Variants in DNAH12 observed in about 807,000 individuals in gnomAD.
DNAH12 encodes the protein axonemal beta dynein heavy chain 12.
In DNAH12, 285 loss-of-function variants were observed where a neutral mutation model predicts 371.5. The ratio of observed to expected loss-of-function variants is 0.77; its 90% CI spans 0.70 to 0.85. DNAH12 has a LOEUF of 0.85. Among genes scored for constraint, DNAH12 ranks in the 40% least tolerant of loss-of-function variants. The probability of loss-of-function intolerance (pLI) is 0.00; values close to 1 mark genes in which losing one functional copy is unlikely to be tolerated. For missense variants in DNAH12, 3,611 were observed against 3,689.4 expected, an observed-to-expected ratio of 0.98 and a Z score of 0.55; for synonymous variants, 1,200 against 1,213.0, an observed-to-expected ratio of 0.99 and a Z score of 0.22.
At chr3:57,481,404 C>T (rs954858464) in intron 13 of DNAH12, among the ~76,000 whole-genome samples, 29 of 152,208 alleles carry the variant, frequency 1.9e-4, no homozygotes, top group African/African-American at 7.0e-4. Flanking sequence ...CAAACCACTG[C>T]TCAACAAAAT....
intron 2 of DNAH12, among the ~76,000 whole-genome samples, chr3:57,528,806 CT>C (rs921786413): frequency 2.2e-4 from 33 of 147,708 alleles, no homozygotes; most frequent in Non-Finnish European, 4.5e-4. Context: ...TTTTCAATTT[CT>C]TTTTTTTTGA....
At chr3:57,382,058 G>A (rs1050368738) in intron 50 of DNAH12, among the ~76,000 whole-genome samples, 4 of 152,102 alleles carry the variant, frequency 2.6e-5, no homozygotes, top group Non-Finnish European at 5.9e-5. Context: ...AGTTGAGACG[G>A]GGTTTCACCA....
chr3:57,446,640 C>CCCACA lies in DNAH12; in HGVS notation c.3835_3836insTGTGG (p.Gly1279ValfsTer30), dbSNP rs1484156596. The CCCACA allele has an allele frequency of 1.3e-6, 2 of 1,549,370 alleles. No homozygotes were observed. The highest frequency in any genetic ancestry group is 4.9e-5 in the East Asian group (2 of 40,908). The stretch of plus-strand genomic sequence containing the variant: ...CTTGGTGGTTTCGGTTTTTCCTGTG[C>CCCACA]CTGCTGGCCCCTCTGGAGCACCTCC... On this transcript the variant is annotated frameshift_variant, in exon 26 of 74. Transcript: ENST00000495027. LOFTEE classifies it high-confidence loss of function.
At chr3:57,511,499 A>G (rs539326004) in intron 4 of DNAH12, among the ~76,000 whole-genome samples, 44 of 152,362 alleles carry the variant, frequency 2.9e-4, no homozygotes, top group African/African-American at 9.6e-4. Flanking sequence ...ACATTTTAAC[A>G]TCATGAAAAT....
intron 60 of DNAH12, among the ~76,000 whole-genome samples, chr3:57,337,999 G>T (rs1477126608): frequency 1.3e-5 from 2 of 152,098 alleles, no homozygotes; most frequent in East Asian, 1.9e-4. Context: ...TTAAAAAATT[G>T]TTTCGCTCTC....
chr3:57,503,186 G>C (rs1416766440), intron 9 of DNAH12, among the ~76,000 whole-genome samples: 2 of 152,108 alleles, frequency 1.3e-5, no homozygotes, highest in Admixed American at 6.6e-5. Context: ...CCAGGAGTTC[G>C]AGGCAGCAGT....
chr3:57,476,559 G>A lies in DNAH12; in HGVS notation c.1651-3888C>T, dbSNP rs907230965. On this transcript the variant is annotated intron_variant, in intron 13 of 73. Coordinates refer to ENST00000495027, the MANE Select transcript of DNAH12 (RefSeq NM_001366028.2). The stretch of plus-strand genomic sequence containing the variant: ...AGCCTGGGTGACAGAGCGAGACTCT[G>A]TCTCAAAAAAATAAAAAATAAAAAA... Among the ~76,000 whole-genome samples the A allele has an allele frequency of 3.3e-4, 20 of 60,092 alleles. No individual in the cohort carries two copies. In the South Asian group the frequency reaches 5.2e-3, roughly 16 times the overall value. The allele number at this position is 60,092 out of a possible 152,430, so 39.4% of individuals were successfully genotyped here. A position where few individuals can be genotyped will look rare whatever the true frequency, so the allele number is the denominator to read the frequency against.
Position 57,504,052 on chromosome 3 carries a change from G to A in DNAH12, c.1050C>T (p.Val350=), listed in dbSNP as rs1339515773. 2 of 1,613,642 alleles carry A rather than the reference G, an allele frequency of 1.2e-6. No individual in the cohort carries two copies. Among genetic ancestry groups the A allele is most frequent in the African/African-American group, 2.7e-5 (2 of 74,906 alleles). ...YPTFQDLEDN[V]LSLVERIAEA... is the part of the protein sequence containing the mutation. ...CGGCTATTCGTTCCACCAAACTCAA[G>A]ACATTATCTTCCAAATCTTGAAAGG... Residue 350 remains valine (V), a synonymous_variant, in exon 9 of 74, where the codon GTC becomes GTT. Transcript: ENST00000495027.
intron 2 of DNAH12, among the ~76,000 whole-genome samples, 185 bp downstream of exon 2, chr3:57,542,516 C>T (rs963004292): frequency 6.6e-6 from 1 of 152,190 alleles, no homozygotes; most frequent in Non-Finnish European, 1.5e-5. Context: ...AGAACAATGT[C>T]TGTCAGTGTA....
At chr3:57,470,406 T>C (rs1020162169) in intron 16 of DNAH12, 37 bp downstream of exon 16, 20 of 1,472,990 alleles carry the variant, frequency 1.4e-5, no homozygotes, top group Middle Eastern at 1.8e-4. Context: ...TTATTTTCTA[T>C]CATTTGCTTG....
chr3:57,301,864 T>G lies in DNAH12; in HGVS notation c.11265A>C (p.Ala3755=), dbSNP rs36020852. The change falls in exon 70 of 74, where the codon GCA becomes GCC. Residue 3755 remains alanine (A), a synonymous_variant. Transcript: ENST00000495027. ...GTAAGCTACCGGAGAGTGCCTCCAA[T>G]GCAGAATCCATCACAACCACACCCT... The part of the protein sequence containing the change: ...AIKGVVVMDS[A]LEALSGSLLV... The G allele has an allele frequency of 1.8e-3, 2,781 of 1,551,630 alleles. 33 individuals are homozygous for G. In the African/African-American group the frequency reaches 0.035, roughly 19 times the overall value.
At chr3:57,508,275 C>A in intron 7 of DNAH12, 107 bp downstream of exon 7, 5 of 1,077,748 alleles carry the variant, frequency 4.6e-6, no homozygotes, top group Admixed American at 3.5e-5. Flanking sequence ...ACTCTAAAAT[C>A]TAGAGAAAAG....
intron 62 of DNAH12, 140 bp downstream of exon 62, chr3:57,334,325 T>C (rs2153307208): frequency 1.1e-6 from 1 of 947,160 alleles, no homozygotes; most frequent in Non-Finnish European, 1.5e-6. Context: ...AACCCACAGA[T>C]CTAAATCCAA....
chr3:57,495,973 TCCCTG>T (rs1305280645), intron 11 of DNAH12, among the ~76,000 whole-genome samples: 1 of 142,000 alleles, frequency 7.0e-6, no homozygotes, highest in Non-Finnish European at 1.5e-5. Flanking sequence ...TATATTTTAA[TCCCTG>T]ATTTTATATA....
At chr3:57,357,564 G>A (rs2062828705) in intron 58 of DNAH12, among the ~76,000 whole-genome samples, 1 of 152,128 alleles carries the variant, frequency 6.6e-6, no homozygotes, top group African/African-American at 2.4e-5. Flanking sequence ...GAGGAAAGGG[G>A]AAGGAGAGAA....
intron 17 of DNAH12, among the ~76,000 whole-genome samples, chr3:57,464,057 C>T (rs2066130969): frequency 6.6e-6 from 1 of 152,008 alleles, no homozygotes; most frequent in Non-Finnish European, 1.5e-5. Context: ...AAAATTTCCC[C>T]CCAACTCACT....
At chr3:57,521,063 CAAAAAAAAAAAAAAAAAAAAA>C (rs61570396) in intron 4 of DNAH12, among the ~76,000 whole-genome samples, 12 of 54,478 alleles carry the variant, frequency 2.2e-4, no homozygotes, top group East Asian at 1.2e-3. Flanking sequence ...GACTCTGTCT[CAAAAAAAAAAAAAAAAAAAAA>C]AAAAAAAAAA....
intron 39 of DNAH12, among the ~76,000 whole-genome samples, chr3:57,409,580 T>C (rs955493033): frequency 5.3e-5 from 8 of 152,048 alleles, no homozygotes; most frequent in Non-Finnish European, 1.2e-4. Context: ...ATAGTGATTA[T>C]CTCCTGATAA....
chr3:57,346,077 A>C (rs1314887927), intron 60 of DNAH12, among the ~76,000 whole-genome samples: 1 of 152,184 alleles, frequency 6.6e-6, no homozygotes, highest in Non-Finnish European at 1.5e-5. Flanking sequence ...AGAAATGATA[A>C]ATGTTTGAGA....
Sources: gnomAD v4.1 joint callset for allele counts (sites outside exome capture counted in the v4.1 genomes callset) on GRCh38, gnomAD v4.1.1 for gene constraint, MANE v1.5 for transcripts, NCBI Gene and HGNC (gene_info 2026-07-23, HGNC 2026-07-21) for gene names.